The following RNF130 variants were observed in gnomAD, a reference collection of about 807,000 sequenced individuals.
RNF130 encodes the protein ring finger protein 130.
In RNF130, 21 loss-of-function variants were observed where a neutral mutation model predicts 44.6. The ratio of observed to expected loss-of-function variants is 0.47; its 90% CI spans 0.33 to 0.68. The LOEUF (loss-of-function observed/expected upper bound fraction) is 0.68. Ranked by LOEUF, RNF130 falls within the 30% of genes least tolerant of loss-of-function variation. The probability of loss-of-function intolerance (pLI) is 0.02; values close to 1 mark genes in which losing one functional copy is unlikely to be tolerated. For synonymous variants in RNF130, 214 were observed against 210.4 expected, an observed-to-expected ratio of 1.02 and a Z score of -0.15; for missense variants, 479 against 560.6, an observed-to-expected ratio of 0.85 and a Z score of 1.47.
At chr5:180,041,506 G>A (rs1261207910) in intron 1 of RNF130, among the ~76,000 whole-genome samples, 1 of 151,422 alleles carries the variant, frequency 6.6e-6, no homozygotes. Flanking sequence ...GGCCATCATG[G>A]TTCTGGCATC....
At chr5:179,921,674 G>A (rs745601562) in intron 7 of RNF130, among the ~76,000 whole-genome samples, 7 of 152,176 alleles carry the variant, frequency 4.6e-5, no homozygotes, top group Non-Finnish European at 7.4e-5. Flanking sequence ...GCATGTGCTT[G>A]TAGTCCCAGC....
At chr5:179,948,516 C>T (rs905535609) in intron 7 of RNF130, among the ~76,000 whole-genome samples, 2 of 152,000 alleles carry the variant, frequency 1.3e-5, no homozygotes, top group African/African-American at 2.4e-5. Context: ...ACTAAAAATA[C>T]AAAAATTAGC....
intron 2 of RNF130, among the ~76,000 whole-genome samples, chr5:180,017,978 T>A (rs1582193349): frequency 6.6e-6 from 1 of 152,140 alleles, no homozygotes; most frequent in Admixed American, 6.5e-5. Flanking sequence ...TACAAATAAA[T>A]ACCTGAGACT....
intron 7 of RNF130, among the ~76,000 whole-genome samples, chr5:179,945,571 T>C (rs2113685312): frequency 6.6e-6 from 1 of 152,162 alleles, no homozygotes. Context: ...AAACAGAGGC[T>C]GGGAGAGGTC....
At chr5:179,991,899 C>T (rs905775010) in intron 3 of RNF130, among the ~76,000 whole-genome samples, 8 of 152,086 alleles carry the variant, frequency 5.3e-5, no homozygotes, top group African/African-American at 1.9e-4. Flanking sequence ...GCATTAGATT[C>T]TCATGAGGAG....
At chr5:179,971,605 G>A (rs1027907607) in intron 5 of RNF130, among the ~76,000 whole-genome samples, 1 of 152,108 alleles carries the variant, frequency 6.6e-6, no homozygotes, top group Admixed American at 6.6e-5. Flanking sequence ...TCCTGACCTC[G>A]TGATCCGCCC....
chr5:180,003,011 T>G (rs1213753715), intron 3 of RNF130, among the ~76,000 whole-genome samples: 2 of 151,928 alleles, frequency 1.3e-5, no homozygotes, highest in Non-Finnish European at 2.9e-5. Flanking sequence ...TACCAAAGAG[T>G]TCTGAACAGA....
intron 7 of RNF130, among the ~76,000 whole-genome samples, chr5:179,945,224 C>A (rs1022496307): frequency 6.6e-6 from 1 of 152,088 alleles, no homozygotes; most frequent in Non-Finnish European, 1.5e-5. Context: ...ACCTGTGACC[C>A]CTTTCCCTCC....
At chr5:179,964,956 A>C (rs1459838614) in intron 7 of RNF130, among the ~76,000 whole-genome samples, 2 of 152,248 alleles carry the variant, frequency 1.3e-5, no homozygotes, top group Non-Finnish European at 2.9e-5. Flanking sequence ...AGTTAGGGAA[A>C]ATGTATATGG....
At chr5:179,974,241 C>A (rs1762659597) in intron 5 of RNF130, among the ~76,000 whole-genome samples, 1 of 152,188 alleles carries the variant, frequency 6.6e-6, no homozygotes, top group South Asian at 2.1e-4. Context: ...CGGCCGGCCC[C>A]CCGCTTTAGC....
At chr5:179,920,628 G>A (rs1761615106) in intron 7 of RNF130, among the ~76,000 whole-genome samples, 1 of 151,946 alleles carries the variant, frequency 6.6e-6, no homozygotes, top group Admixed American at 6.6e-5. Flanking sequence ...TCCAATCTTC[G>A]GATCCCCAAG....
intron 1 of RNF130, among the ~76,000 whole-genome samples, chr5:180,047,693 G>A (rs1295426013): frequency 1.3e-5 from 2 of 152,108 alleles, no homozygotes; most frequent in Non-Finnish European, 2.9e-5. Context: ...GCAGTGAGCC[G>A]AGATTGCACC....
intron 1 of RNF130, among the ~76,000 whole-genome samples, chr5:180,042,240 C>A (rs1258370018): frequency 6.6e-6 from 1 of 152,210 alleles, no homozygotes; most frequent in Non-Finnish European, 1.5e-5. Flanking sequence ...ACTTAAATAT[C>A]TTTCCCCAAA....
At chr5:179,918,525 G>C (rs1761584071) in exon 8 of RNF130, 1 of 152,092 alleles carries the variant, frequency 6.6e-6, no homozygotes, top group African/African-American at 2.4e-5. Flanking sequence ...ATGCAGACGC[G>C]TGTCTGGAAC....
intron 2 of RNF130, among the ~76,000 whole-genome samples, chr5:180,037,084 T>C (rs1469628253): frequency 1.3e-5 from 2 of 152,244 alleles, no homozygotes; most frequent in African/African-American, 4.8e-5. Context: ...GGGAGACTTA[T>C]TCATGTAAAT....
intron 3 of RNF130, among the ~76,000 whole-genome samples, chr5:179,990,572 TAAACTCCCCCAGGGAAAGGG>T (rs1409348576): frequency 6.6e-6 from 1 of 152,170 alleles, no homozygotes; most frequent in Non-Finnish European, 1.5e-5. Context: ...GAGTCTTCTC[TAAACTCCCCCAGGGAAAGGG>T]AGACTCCCTT....
intron 3 of RNF130, among the ~76,000 whole-genome samples, chr5:179,987,319 C>T (rs1762977793): frequency 6.6e-6 from 1 of 152,188 alleles, no homozygotes; most frequent in Admixed American, 6.5e-5. Flanking sequence ...AGGCACACAC[C>T]ACCACACCTG....
chr5:180,031,665 C>T (rs10479455), intron 2 of RNF130, among the ~76,000 whole-genome samples: 80,301 of 151,968 alleles, frequency 0.53, 22,306 homozygotes, highest in South Asian at 0.72. Context: ...TGAACAACTG[C>T]GTTGTCTCTA....
At chr5:179,966,785 T>A (rs1449557101) in intron 7 of RNF130, 21 bp downstream of exon 7, 1 of 1,605,766 alleles carries the variant, frequency 6.2e-7, no homozygotes, top group Admixed American at 1.7e-5. Context: ...GCCCTGTGCC[T>A]GAGCGGAGGC....
Sources: allele counts gnomAD v4.1 joint callset (sites outside exome capture counted in the v4.1 genomes callset), GRCh38; gene constraint gnomAD v4.1.1; transcripts MANE v1.5; gene names NCBI Gene and HGNC (gene_info 2026-07-23, HGNC 2026-07-21).